Variants in PDGFRA observed in about 807,000 individuals in gnomAD.
The protein encoded by PDGFRA is platelet derived growth factor receptor alpha.
PDGFRA carries 25 observed loss-of-function variants against 121.5 expected under a neutral mutation model. The observed-to-expected ratio is 0.21, with a 90% confidence interval of 0.15 to 0.29. PDGFRA has a LOEUF of 0.29. Among genes scored for constraint, PDGFRA ranks in the 10% least tolerant of loss-of-function variants. The pLI, the probability that PDGFRA is intolerant of heterozygous loss-of-function variation, is 1.00. For synonymous variants in PDGFRA, 463 were observed against 494.8 expected, an observed-to-expected ratio of 0.94 and a Z score of 0.85; for missense variants, 1,008 against 1,345.1, an observed-to-expected ratio of 0.75 and a Z score of 3.92.
intron 1 of PDGFRA, among the ~76,000 whole-genome samples, chr4:54,246,196 T>A (rs1721649758): frequency 6.6e-6 from 1 of 152,148 alleles, no homozygotes; most frequent in Admixed American, 6.5e-5. Flanking sequence ...GGAATTGAAC[T>A]CAGCTCTGCA....
chr4:54,249,041 A>G (rs1721882697), intron 1 of PDGFRA, among the ~76,000 whole-genome samples: 2 of 152,232 alleles, frequency 1.3e-5, no homozygotes, highest in South Asian at 4.1e-4. Context: ...ACCAGTTAGA[A>G]TGGCAATCAT....
At chr4:54,287,741 G>T (rs565431442) in intron 19 of PDGFRA, among the ~76,000 whole-genome samples, 200 bp downstream of exon 19, 12 of 152,212 alleles carry the variant, frequency 7.9e-5, no homozygotes, top group African/African-American at 2.9e-4. Context: ...GGTTTTTGTT[G>T]GGGGTTGCGT....
chr4:54,264,263 C>A, intron 4 of PDGFRA: 1 of 428,268 alleles, frequency 2.3e-6, no homozygotes, highest in Non-Finnish European at 4.1e-6. Context: ...GGGTTAGATG[C>A]CTAGATTAAT....
intron 15 of PDGFRA, among the ~76,000 whole-genome samples, chr4:54,279,530 A>G (rs915076145): frequency 8.7e-4 from 132 of 152,168 alleles, no homozygotes; most frequent in African/African-American, 2.7e-3. Flanking sequence ...TTTGTTTTTT[A>G]CATTTCTTTT....
At chr4:54,291,753 T>C (rs1405315719) in intron 22 of PDGFRA, among the ~76,000 whole-genome samples, 1 of 152,216 alleles carries the variant, frequency 6.6e-6, no homozygotes, top group Non-Finnish European at 1.5e-5. Context: ...AGAATTACCA[T>C]TGGATCCAGC....
chr4:54,240,690 G>C lies in PDGFRA; in HGVS notation c.-13+11275G>C, dbSNP rs115952067. On this transcript the variant is annotated intron_variant, in intron 1 of 22. Coordinates refer to ENST00000257290, the MANE Select transcript of PDGFRA (RefSeq NM_006206.6). ...TAGAAAAACTTCTGTGTCTAGTAGA[G>C]ATCCTTGTTAGACAAAGGGACAGTG... Among the ~76,000 whole-genome samples the C allele has an allele frequency of 7.1e-3, 1,079 of 152,344 alleles. 9 individuals are homozygous for C. The highest frequency in any genetic ancestry group is 0.024 in the African/African-American group (1,016 of 41,578).
At chr4:54,239,744 A>C (rs908761292) in intron 1 of PDGFRA, among the ~76,000 whole-genome samples, 79 of 152,270 alleles carry the variant, frequency 5.2e-4, no homozygotes, top group Admixed American at 5.2e-4. Flanking sequence ...GGTGCCCCAG[A>C]TGGGAGCACG....
chr4:54,252,239 C>G (rs188238365), intron 1 of PDGFRA, among the ~76,000 whole-genome samples: 4 of 152,296 alleles, frequency 2.6e-5, no homozygotes, highest in Admixed American at 2.6e-4. Context: ...TTGGTTTTAA[C>G]AATTACCCAG....
chr4:54,277,558 A>C, intron 13 of PDGFRA, 66 bp downstream of exon 13: 1 of 1,050,224 alleles, frequency 9.5e-7, no homozygotes. Context: ...TATTAAGGGA[A>C]TTTCTCAAAA....
chr4:54,272,284 G>T (rs1723442988), intron 8 of PDGFRA, 110 bp from the exon 9 acceptor site: 5 of 1,141,858 alleles, frequency 4.4e-6, no homozygotes, highest in Non-Finnish European at 6.6e-6. Context: ...AGCCCCTCCG[G>T]AGTGTTTTGA....
chr4:54,261,009 A>G, intron 2 of PDGFRA, 86 bp from the exon 3 acceptor site: 1 of 1,201,450 alleles, frequency 8.3e-7, no homozygotes, highest in African/African-American at 1.5e-5. Flanking sequence ...TTGTTCATCT[A>G]AGCTGCTACT....
chr4:54,259,753 A>G (rs1577702967), intron 2 of PDGFRA, among the ~76,000 whole-genome samples: 1 of 152,364 alleles, frequency 6.6e-6, no homozygotes, highest in East Asian at 1.9e-4. Flanking sequence ...AGATGTACTT[A>G]CAAATCCTAT....
rs1722679549 is a variant in PDGFRA, at chr4:54,261,141, A to C, written c.96A>C (p.Pro32=). 1 of 1,614,186 alleles carries C rather than the reference A, an allele frequency of 6.2e-7. No individual in the cohort carries two copies. The highest frequency in any genetic ancestry group is 2.2e-5 in the East Asian group (1 of 44,890). The change falls in exon 3 of 23, where the codon CCA becomes CCC. Residue 32 remains proline, a synonymous_variant. Coordinates refer to ENST00000257290, the MANE Select transcript of PDGFRA (RefSeq NM_006206.6). The part of the protein sequence containing the change: ...LCQLSLPSIL[P]NENEKVVQLN... ...AGCTTTCATTACCCTCTATCCTTCC[A>C]AATGAAAATGAAAAGGTTGTGCAGC...
chr4:54,254,298 A>T (rs1409646605), intron 1 of PDGFRA, among the ~76,000 whole-genome samples: 5 of 152,240 alleles, frequency 3.3e-5, no homozygotes, highest in Non-Finnish European at 7.3e-5. Context: ...AAACAGGCCT[A>T]GATTTCTACC....
rs1724860779 is a variant in PDGFRA at position 54,295,972 on chromosome 4, T to G, written c.*700T>G. On this transcript the variant is annotated 3_prime_UTR_variant, in exon 23 of 23. Transcript: ENST00000257290. ...CAGTAATGCTAAATGTGTAATAATG[T>G]AACATGATTTCCCTCCAGAGAAAGC... is the stretch of plus-strand genomic sequence containing the variant. 2 of 232,784 alleles carry G rather than the reference T, an allele frequency of 8.6e-6. No individual in the cohort carries two copies. Among genetic ancestry groups the G allele is most frequent in the Admixed American group, 1.1e-4 (2 of 17,770 alleles). 14.4% of individuals were successfully genotyped at this position (232,784 alleles called of 1,614,324 possible). A position where few individuals can be genotyped will look rare whatever the true frequency, so the allele number is the denominator to read the frequency against.
chr4:54,250,615 C>G (rs1722001944), intron 1 of PDGFRA, among the ~76,000 whole-genome samples: 1 of 152,130 alleles, frequency 6.6e-6, no homozygotes, highest in Admixed American at 6.6e-5. Context: ...CAGAGTTAAC[C>G]AAATTTCTTT....
chr4:54,279,265 G>A (rs4289498), intron 15 of PDGFRA, among the ~76,000 whole-genome samples: 114,404 of 152,140 alleles, frequency 0.75, 44,715 homozygotes, highest in Middle Eastern at 0.89. Flanking sequence ...CTCCTGCTAA[G>A]GATGTGCAGG....
chr4:54,278,761 T>G, intron 15 of PDGFRA: 1 of 640,300 alleles, frequency 1.6e-6, no homozygotes, highest in South Asian at 1.5e-5. Flanking sequence ...TGAGTTAGAA[T>G]GACTCTGGGA....
intron 16 of PDGFRA, among the ~76,000 whole-genome samples, chr4:54,283,770 T>C (rs932806171): frequency 4.6e-4 from 70 of 151,662 alleles, no homozygotes; most frequent in African/African-American, 1.5e-3. Context: ...TCCCTTTTAC[T>C]TTTTTTTTAT....
Sources: allele counts gnomAD v4.1 joint callset (sites outside exome capture counted in the v4.1 genomes callset), GRCh38; gene constraint gnomAD v4.1.1; transcripts MANE v1.5; gene names NCBI Gene and HGNC (gene_info 2026-07-23, HGNC 2026-07-21).